Variants in XPO4 observed in about 807,000 individuals in gnomAD.
XPO4 encodes exportin 4, also known as exportin-4.
In XPO4, 39 loss-of-function variants were observed where a neutral mutation model predicts 143.0. The ratio of observed to expected loss-of-function variants is 0.27; its 90% CI spans 0.21 to 0.36. The LOEUF (loss-of-function observed/expected upper bound fraction) is 0.36. XPO4 is among the 10% of genes least tolerant of loss of function. XPO4 has a pLI of 1.00. For missense variants in XPO4, 907 were observed against 1,348.0 expected, an observed-to-expected ratio of 0.67 and a Z score of 5.12; for synonymous variants, 439 against 474.0, an observed-to-expected ratio of 0.93 and a Z score of 0.96.
chr13:20,792,616 G>A lies in XPO4; in HGVS notation c.2798-2036C>T, dbSNP rs373362935. On this transcript the variant is annotated intron_variant, in intron 18 of 22. Transcript: ENST00000255305. ...AAACAAATTAGCCAGGCCTGGTGGCGGGTTCCTATAATCCCAGCTACTCGT... is the reference window on the plus strand; with the variant it reads ...AAACAAATTAGCCAGGCCTGGTGGCAGGTTCCTATAATCCCAGCTACTCGT... Among the ~76,000 whole-genome samples the A allele has an allele frequency of 4.1e-4, 62 of 151,412 alleles. No homozygotes were observed. In the South Asian group the frequency reaches 0.012, roughly 29 times the overall value.
At chr13:20,854,097 C>A (rs1288952476) in intron 4 of XPO4, among the ~76,000 whole-genome samples, 1 of 152,068 alleles carries the variant, frequency 6.6e-6, no homozygotes, top group Non-Finnish European at 1.5e-5. Flanking sequence ...TAAATTACTT[C>A]TCAATAAAGT....
intron 1 of XPO4, among the ~76,000 whole-genome samples, chr13:20,901,446 C>G (rs2060619641): frequency 6.6e-6 from 1 of 152,128 alleles, no homozygotes; most frequent in Non-Finnish European, 1.5e-5. Flanking sequence ...TTACAAAACG[C>G]TCTATGTCAG....
At chr13:20,898,918 A>G (rs945117660) in intron 1 of XPO4, among the ~76,000 whole-genome samples, 3 of 152,182 alleles carry the variant, frequency 2.0e-5, no homozygotes, top group South Asian at 2.1e-4. Context: ...GCTTACGCCT[A>G]TAATTCCAGC....
chr13:20,892,296 C>G (rs908599278), intron 1 of XPO4, among the ~76,000 whole-genome samples: 1 of 152,134 alleles, frequency 6.6e-6, no homozygotes, highest in African/African-American at 2.4e-5. Context: ...CCATGTTGGC[C>G]AGGTTGGTCT....
intron 11 of XPO4, 138 bp from the exon 12 acceptor site, chr13:20,808,719 T>C: frequency 1.5e-6 from 1 of 680,404 alleles, no homozygotes; most frequent in Non-Finnish European, 2.3e-6. Context: ...AGTACACAAC[T>C]GTTGTCATAG....
intron 6 of XPO4, among the ~76,000 whole-genome samples, chr13:20,834,680 C>A (rs1386314366): frequency 1.3e-5 from 2 of 151,612 alleles, no homozygotes; most frequent in African/African-American, 4.8e-5. Flanking sequence ...AAATCCAGGC[C>A]AAGCCCAGTG....
At chr13:20,860,962 A>G (rs1039573605) in intron 3 of XPO4, among the ~76,000 whole-genome samples, 3 of 152,064 alleles carry the variant, frequency 2.0e-5, no homozygotes, top group Non-Finnish European at 4.4e-5. Flanking sequence ...AGCAGTTAAC[A>G]AAGTGCTAAA....
At chr13:20,821,941 C>T in intron 8 of XPO4, 63 bp from the exon 9 acceptor site, 1 of 1,468,384 alleles carries the variant, frequency 6.8e-7, no homozygotes, top group Non-Finnish European at 9.2e-7. Flanking sequence ...TATAATAACT[C>T]ATTTCCAAAC....
intron 7 of XPO4, among the ~76,000 whole-genome samples, chr13:20,822,629 A>C (rs2059734577): frequency 1.3e-5 from 2 of 152,262 alleles, no homozygotes; most frequent in South Asian, 4.1e-4. Flanking sequence ...TATTATGCTA[A>C]CTATGCCTAG....
At chr13:20,820,829 C>T (rs1566583558) in intron 9 of XPO4, among the ~76,000 whole-genome samples, 1 of 152,182 alleles carries the variant, frequency 6.6e-6, no homozygotes, top group African/African-American at 2.4e-5. Context: ...CTCACATACA[C>T]GTTGGCAGAA....
intron 2 of XPO4, chr13:20,865,474 C>A: frequency 1.0e-6 from 1 of 985,284 alleles, no homozygotes; most frequent in South Asian, 4.7e-5. Flanking sequence ...GGAAGATCTG[C>A]CACTGACTAG....
intron 1 of XPO4, chr13:20,879,246 G>A: frequency 1.0e-6 from 1 of 985,310 alleles, no homozygotes; most frequent in Non-Finnish European, 1.2e-6. Flanking sequence ...GGGATCCTCA[G>A]CGCAAGGGTA....
At chr13:20,828,562 A>C (rs2059815602) in intron 6 of XPO4, among the ~76,000 whole-genome samples, 1 of 152,156 alleles carries the variant, frequency 6.6e-6, no homozygotes, top group African/African-American at 2.4e-5. Context: ...AAGAGCAAGG[A>C]GGGGCACTAT....
intron 2 of XPO4, among the ~76,000 whole-genome samples, chr13:20,865,160 T>C (rs1447045533): frequency 1.3e-5 from 2 of 149,700 alleles, no homozygotes; most frequent in Admixed American, 6.7e-5. Context: ...TTTTTTGAGA[T>C]GGAGTTTTGC....
At chr13:20,850,041 G>C (rs1372916680) in intron 4 of XPO4, 3 of 863,684 alleles carry the variant, frequency 3.5e-6, no homozygotes, top group Non-Finnish European at 4.2e-6. Context: ...AGGAGGCGGA[G>C]GTTGTAGTGA....
intron 13 of XPO4, among the ~76,000 whole-genome samples, chr13:20,806,393 C>T (rs1411840794): frequency 6.6e-6 from 1 of 152,056 alleles, no homozygotes; most frequent in Non-Finnish European, 1.5e-5. Flanking sequence ...ATGAAGGGGA[C>T]AGCATCCTGT....
At chr13:20,898,792 A>C (rs1312183684) in intron 1 of XPO4, among the ~76,000 whole-genome samples, 1 of 151,864 alleles carries the variant, frequency 6.6e-6, no homozygotes, top group Non-Finnish European at 1.5e-5. Context: ...TAAACTTTTC[A>C]ATAATGTTGT....
rs565990788 is a variant in XPO4 at position 20,795,303 on chromosome 13, A to G, written c.2797+773T>C. ...AGTGAACTCTACAGCACTGAAAACT[A>G]TACACATATATGAGGTTTAAATTAC... On this transcript the variant is annotated intron_variant, in intron 18 of 22. Transcript: ENST00000255305. 8.5e-5 allele frequency among the ~76,000 whole-genome samples: 13 copies of G among 152,328 alleles called. No individual in the cohort carries two copies. In the South Asian group the frequency reaches 2.7e-3, roughly 32 times the overall value.
chr13:20,853,197 G>A (rs766561733), intron 4 of XPO4: 31 of 254,088 alleles, frequency 1.2e-4, no homozygotes, highest in Non-Finnish European at 1.7e-4. Context: ...GCCAGGAGTG[G>A]TGGCTTGTGC....
Sources: gnomAD v4.1 joint callset for allele counts (sites outside exome capture counted in the v4.1 genomes callset) on GRCh38, gnomAD v4.1.1 for gene constraint, MANE v1.5 for transcripts, NCBI Gene and HGNC (gene_info 2026-07-23, HGNC 2026-07-21) for gene names.